PPOX: variants seen among roughly 807,000 people sequenced by gnomAD.
PPOX encodes protoporphyrinogen oxidase.
In PPOX, 23 loss-of-function variants were observed where a neutral mutation model predicts 54.1. The observed-to-expected ratio is 0.43, with a 90% CI of 0.31 to 0.60. PPOX has a LOEUF of 0.60. Among genes scored for constraint, PPOX ranks in the 20% least tolerant of loss-of-function variants. The probability of loss-of-function intolerance (pLI) is 0.13; values close to 1 mark genes in which losing one functional copy is unlikely to be tolerated. For synonymous variants in PPOX, 224 were observed against 236.1 expected (o/e 0.95, Z 0.47); for missense variants, 512 against 601.1 (o/e 0.85, Z 1.55).
chr1:161,170,319 T>TGG, intron 9 of PPOX, 90 bp from the exon 10 acceptor site: 1 of 514,788 alleles, frequency 1.9e-6, no homozygotes, highest in Admixed American at 2.3e-5. Context: ...AGTGAGACTC[T>TGG]GTCCCCCCCA....
chr1:161,177,040 G>T, exon 5 of PPOX: 1 of 1,536,026 alleles, frequency 6.5e-7, no homozygotes, highest in South Asian at 1.2e-5. Context: ...AGAGTAGGGT[G>T]GGGGTGGCGT....
At chr1:161,173,497 A>G (rs1384506268), downstream of PPOX, 8 of 1,508,124 alleles carry the variant, frequency 5.3e-6, no homozygotes, top group African/African-American at 9.6e-5. Context: ...GGCTCAGTGC[A>G]GGACCAGGGA....
In PPOX at chr1:161,167,095, G is replaced by A. The variant is rs1465103103; in HGVS notation, c.88-5G>A. ...TGCTGCAGTGTCTCTCCCTCTTGTC[G>A]CCAGGTGGTCCTAGTGGAGAGCAGT... On this transcript the variant is annotated splice_polypyrimidine_tract_variant and splice_region_variant and intron_variant, in intron 2 of 12. Coordinates refer to ENST00000367999, the MANE Select transcript of PPOX (RefSeq NM_001122764.3). 6.2e-7 allele frequency: 1 copy of A among 1,614,156 alleles called. No homozygotes were observed. Among genetic ancestry groups the A allele is most frequent in the East Asian group, 2.2e-5 (1 of 44,886 alleles).
chr1:161,168,972 T>A, intron 6 of PPOX, 21 bp from the exon 7 acceptor site: 1 of 1,613,014 alleles, frequency 6.2e-7, no homozygotes, highest in Non-Finnish European at 8.5e-7. Context: ...CCTCAATGAT[T>A]CTTCTTTGCT....
chr1:161,173,907 G>A, downstream of PPOX: 4 of 1,614,102 alleles, frequency 2.5e-6, no homozygotes, highest in Non-Finnish European at 3.4e-6. Context: ...GGGTCCCCGG[G>A]GGTCACACAC....
At chr1:161,168,657 G>T (rs1009216644) in intron 6 of PPOX, 81 bp downstream of exon 6, 4 of 1,554,562 alleles carry the variant, frequency 2.6e-6, no homozygotes, top group Non-Finnish European at 3.5e-6. Flanking sequence ...GCTATTCAAT[G>T]ATTCTTTTTT....
chr1:161,168,454 G>T lies in PPOX; in HGVS notation c.494G>T (p.Ser165Ile). 6.2e-7 allele frequency: 1 copy of T among 1,614,182 alleles called. No homozygotes were observed. Among genetic ancestry groups the T allele is most frequent in the Non-Finnish European group, 8.5e-7 (1 of 1,180,034 alleles). Residue 165 changes from serine to isoleucine, a missense_variant, in exon 6 of 13, where the codon AGT (serine) becomes ATT (isoleucine). Transcript: ENST00000367999. ...GPEVASLAMD[S>I]LCRGVFAGNS... The stretch of plus-strand genomic sequence containing the variant: ...AAGGTGGCGTCTCTAGCCATGGACA[G>T]TCTCTGCCGTGGAGTGTTTGCAGGC...
chr1:161,177,270 A>G, downstream of PPOX: 1 of 594,960 alleles, frequency 1.7e-6, no homozygotes, highest in Non-Finnish European at 3.0e-6. Flanking sequence ...ACCTACTAGC[A>G]ACGTGAGCCC....
downstream of PPOX, chr1:161,175,056 G>A (rs898095278): frequency 1.2e-6 from 2 of 1,614,036 alleles, no homozygotes; most frequent in African/African-American, 2.7e-5. Flanking sequence ...GCAGGTGGTA[G>A]AGCAGCAGGC....
intron 4 of PPOX, 50 bp from the exon 5 acceptor site, chr1:161,167,945 T>A (rs1367210454): frequency 5.6e-6 from 9 of 1,613,434 alleles, no homozygotes; most frequent in Non-Finnish European, 7.6e-6. Flanking sequence ...CGCCTGGAGC[T>A]GGGGAGGTAT....
downstream of PPOX, chr1:161,171,743 T>C: frequency 6.4e-7 from 1 of 1,556,106 alleles, no homozygotes; most frequent in Non-Finnish European, 8.8e-7. Context: ...CTGAGAACAG[T>C]GAGGAGCTGA....
At chr1:161,165,990 T>C (rs979064928), upstream of PPOX, 4 of 699,108 alleles carry the variant, frequency 5.7e-6, no homozygotes, top group Non-Finnish European at 7.0e-6. Flanking sequence ...AGTGCCACTG[T>C]TGACAAACAC....
rs745879127 is a variant in PPOX at position 161,168,505 on chromosome 1, C to T, written c.545C>T (p.Ser182Phe). Residue 182 changes from serine (S) to phenylalanine (F), a missense_variant, in exon 6 of 13, where the codon TCC becomes TTC. By Grantham distance (155) the Ser-to-Phe change is radical. Transcript: ENST00000367999. ...AACAGCCGTGAGCTCAGCATCAGGTCCTGCTTTCCCAGTCTCTTCCAAGCT... is the reference window on the plus strand; with the variant it reads ...AACAGCCGTGAGCTCAGCATCAGGTTCTGCTTTCCCAGTCTCTTCCAAGCT... Reference protein sequence around the residue: ...AGNSRELSIRSCFPSLFQAEQ... With the variant: ...AGNSRELSIRFCFPSLFQAEQ... 1.1e-5 allele frequency: 17 copies of T among 1,614,170 alleles called. No homozygotes were observed. Among genetic ancestry groups the T allele is most frequent in the Non-Finnish European group, 1.4e-5 (16 of 1,180,036 alleles).
intron 2 of PPOX, 37 bp from the exon 3 acceptor site, chr1:161,167,063 C>T (rs767014768): frequency 3.7e-6 from 6 of 1,614,068 alleles, no homozygotes; most frequent in African/African-American, 2.7e-5. Context: ...CCGGCGGCTA[C>T]AGGCGGTGCT....
At chr1:161,168,711 G>A in intron 6 of PPOX, 135 bp downstream of exon 6, 1 of 1,236,990 alleles carries the variant, frequency 8.1e-7, no homozygotes, top group Non-Finnish European at 1.1e-6. Flanking sequence ...AGGCTGGAGT[G>A]CAGTGGTGCA....
Position 161,169,167 on chromosome 1 carries a change from C to G in PPOX, c.791C>G (p.Ala264Gly). 6.2e-7 allele frequency: 1 copy of G among 1,613,972 alleles called. No individual in the cohort carries two copies. Among genetic ancestry groups the G allele is most frequent in the Non-Finnish European group, 8.5e-7 (1 of 1,180,016 alleles). ...GQPVCGLSLQ[A>G]EGRWKVSLRD... is the part of the protein sequence containing the mutation. The stretch of plus-strand genomic sequence containing the variant: ...CCGGTCTGTGGGCTCAGCCTCCAGG[C>G]AGAAGGGCGCTGGAAGGTAGGGGAA... Residue 264 changes from alanine (A) to glycine (G), a missense_variant, in exon 7 of 13, where the codon GCA (alanine) becomes GGA (glycine). Transcript: ENST00000367999.
rs763458959 is a variant in PPOX, at chr1:161,167,157, C to T, written c.145C>T (p.Pro49Ser). 4.3e-6 allele frequency: 7 copies of T among 1,614,070 alleles called. No individual in the cohort carries two copies. Among genetic ancestry groups the T allele is most frequent in the East Asian group, 2.2e-5 (1 of 44,892 alleles). ...AGGCTGGATTCGCTCCGTTCGAGGC[C>T]CTAATGGTGCTATCTTTGAGCTTGG... ...LGGWIRSVRG[P>S]NGAIFELGPR... is the part of the protein sequence containing the mutation. Residue 49 changes from proline (P) to serine (S), a missense_variant, in exon 3 of 13, where the codon CCT becomes TCT. Transcript: ENST00000367999.
chr1:161,177,055 T>C (rs772947774), downstream of PPOX: 25 of 1,535,660 alleles, frequency 1.6e-5, no homozygotes, highest in Non-Finnish European at 2.1e-5. Flanking sequence ...TGGCGTCCTC[T>C]ACCTTTTCTA....
rs1170193077 is a variant in PPOX, at chr1:161,169,177, C to T, written c.801C>T (p.Arg267=). ...VCGLSLQAEG[R]WKVSLRDSSL... is the part of the protein sequence containing the mutation. ...GGCTCAGCCTCCAGGCAGAAGGGCGCTGGAAGGTAGGGGAACCCCTGGAGT... is the reference window on the plus strand; with the variant it reads ...GGCTCAGCCTCCAGGCAGAAGGGCGTTGGAAGGTAGGGGAACCCCTGGAGT... The change falls in exon 7 of 13, where the codon CGC becomes CGT. Residue 267 remains arginine (R), a synonymous_variant. Transcript: ENST00000367999. The T allele has an allele frequency of 6.2e-7, 1 of 1,613,838 alleles. No homozygotes were observed. Among genetic ancestry groups the T allele is most frequent in the South Asian group, 1.1e-5 (1 of 91,090 alleles).
Sources: allele counts gnomAD v4.1 joint callset, GRCh38; gene constraint gnomAD v4.1.1; transcripts MANE v1.5; gene names NCBI Gene and HGNC (gene_info 2026-07-23, HGNC 2026-07-21).